The following AGAP1 variants were observed in gnomAD, a reference collection of about 807,000 sequenced individuals.
The protein encoded by AGAP1 is arf-GAP with GTPase, ANK repeat and PH domain-containing protein 1.
AGAP1 carries 29 observed loss-of-function variants against 105.3 expected under a neutral mutation model. The ratio of observed to expected loss-of-function variants is 0.28; its 90% confidence interval spans 0.21 to 0.38. The LOEUF (loss-of-function observed/expected upper bound fraction) is 0.38. Ranked by LOEUF, AGAP1 falls within the 10% of genes least tolerant of loss-of-function variation. The pLI is 1.00. For missense variants in AGAP1, 998 were observed against 1,165.1 expected (o/e 0.86, Z 2.09); for synonymous variants, 509 against 485.9 (o/e 1.05, Z -0.63).
chr2:235,942,412 T>C (rs1274467093), intron 12 of AGAP1, among the ~76,000 whole-genome samples: 1 of 152,148 alleles, frequency 6.6e-6, no homozygotes, highest in Non-Finnish European at 1.5e-5. Flanking sequence ...GCGTGGTGGC[T>C]CACACCTGTA....
intron 15 of AGAP1, among the ~76,000 whole-genome samples, chr2:236,048,803 G>A (rs755265567): frequency 9.2e-5 from 14 of 152,170 alleles, no homozygotes; most frequent in South Asian, 2.1e-4. Context: ...CCAAACCAAC[G>A]CTGTCAATTA....
At chr2:235,536,811 G>T (rs1345136606) in intron 1 of AGAP1, among the ~76,000 whole-genome samples, 1 of 152,236 alleles carries the variant, frequency 6.6e-6, no homozygotes, top group Non-Finnish European at 1.5e-5. Context: ...TCACGCGTCA[G>T]TGTTTTTAAT....
In AGAP1 at chr2:236,046,101, C is replaced by T. The variant is rs533206770; in HGVS notation, c.1892-2958C>T. 20 of 453,704 alleles carry T rather than the reference C, an allele frequency of 4.4e-5. No homozygotes were observed. Among genetic ancestry groups the T allele is most frequent in the East Asian group, 2.1e-4 (3 of 13,978 alleles). 28.1% of individuals were successfully genotyped at this position (453,704 alleles called of 1,614,324 possible). ...TGGCTTCTGTATCTGCAACCCACAG[C>T]GGCATGGAGGGCGGTGGGGTGGGCA... On this transcript the variant is annotated intron_variant, in intron 15 of 17. Coordinates refer to ENST00000304032, the MANE Select transcript of AGAP1 (RefSeq NM_001037131.3). This position sits in a 1 kb window ranked among gnomAD's most constrained non-coding sequence, Gnocchi z 5.2.
At chr2:235,515,343 A>G (rs1942335299) in intron 1 of AGAP1, among the ~76,000 whole-genome samples, 1 of 152,112 alleles carries the variant, frequency 6.6e-6, no homozygotes, top group African/African-American at 2.4e-5. Flanking sequence ...AGAGTGGTTT[A>G]TTGGCCCAGA....
Position 235,793,706 on chromosome 2 carries a change from AG to A in AGAP1, c.674-4051del, listed in dbSNP as rs1957108845. Reference sequence around the variant, plus strand: ...CTGTCCTCTGGTTATAGAGGGCGTGAGGTTGGCCCGGAGGCTCCTAGTGTGA... The same window carrying A: ...CTGTCCTCTGGTTATAGAGGGCGTGAGTTGGCCCGGAGGCTCCTAGTGTGA... On this transcript the variant is annotated intron_variant, in intron 6 of 17. Transcript: ENST00000304032. This position sits in a 1 kb window ranked among gnomAD's most constrained non-coding sequence, Gnocchi z 5.3. Among the ~76,000 whole-genome samples, 1 of 152,088 alleles carries A rather than the reference AG, an allele frequency of 6.6e-6. No homozygotes were observed. Among genetic ancestry groups the A allele is most frequent in the Non-Finnish European group, 1.5e-5 (1 of 68,014 alleles).
At position 235,611,239 on chromosome 2, in the gene AGAP1, AG is replaced by A. The variant is rs1399625292; in HGVS notation, c.164-97938del. On this transcript the variant is annotated intron_variant, in intron 1 of 17. Transcript: ENST00000304032. This position sits in a 1 kb window ranked among gnomAD's most constrained non-coding sequence, Gnocchi z 5.0. ...AGAGCACCTTCCCAGGCAGCTGCAAAGGTGGTCTTGGTTTGACTCCCTTGTG... is the reference window on the plus strand; with the variant it reads ...AGAGCACCTTCCCAGGCAGCTGCAAAGTGGTCTTGGTTTGACTCCCTTGTG... Among the ~76,000 whole-genome samples the A allele has an allele frequency of 1.3e-5, 2 of 152,188 alleles. No homozygotes were observed. The highest frequency in any genetic ancestry group is 2.1e-4 in the South Asian group (1 of 4,820).
At chr2:235,647,621 C>G (rs1254581954) in intron 1 of AGAP1, among the ~76,000 whole-genome samples, 1 of 152,132 alleles carries the variant, frequency 6.6e-6, no homozygotes, top group African/African-American at 2.4e-5. Context: ...CTCCTGAACT[C>G]AAATGATCCT....
intron 7 of AGAP1, among the ~76,000 whole-genome samples, chr2:235,798,967 GGTGTC>G (rs1957369163): frequency 6.6e-6 from 1 of 151,972 alleles, no homozygotes; most frequent in Non-Finnish European, 1.5e-5. Flanking sequence ...AGATTTTCCA[GGTGTC>G]ATTTTCATAA....
intron 16 of AGAP1, among the ~76,000 whole-genome samples, chr2:236,097,362 A>G (rs1418988457): frequency 1.3e-5 from 2 of 148,312 alleles, no homozygotes; most frequent in Admixed American, 1.3e-4. Context: ...TACATAATAT[A>G]AAATTTGTCA....
chr2:235,961,006 G>A lies in AGAP1; in HGVS notation c.1484-7456G>A, dbSNP rs1255454155. ...CCGCGCAAGTGTCTGTCACACAGAG[G>A]TTAGTTCTTTCATAAAACTTTATTA... On this transcript the variant is annotated intron_variant, in intron 12 of 17. Transcript: ENST00000304032. This position sits in a 1 kb window ranked among gnomAD's most constrained non-coding sequence, Gnocchi z 5.9. Among the ~76,000 whole-genome samples the A allele has an allele frequency of 2.0e-5, 3 of 152,196 alleles. No homozygotes were observed. Among genetic ancestry groups the A allele is most frequent in the Admixed American group, 6.5e-5 (1 of 15,276 alleles).
chr2:235,580,146 C>T (rs890778884), intron 1 of AGAP1, among the ~76,000 whole-genome samples: 4 of 152,166 alleles, frequency 2.6e-5, no homozygotes, highest in African/African-American at 9.7e-5. Context: ...TTTATTCATT[C>T]ATCTGTTGAT....
chr2:235,684,584 A>G (rs1166427806), intron 1 of AGAP1, among the ~76,000 whole-genome samples: 1 of 152,176 alleles, frequency 6.6e-6, no homozygotes, highest in African/African-American at 2.4e-5. Context: ...TCAGGTGCAG[A>G]GCAGTGTCTT....
intron 6 of AGAP1, among the ~76,000 whole-genome samples, chr2:235,761,206 A>G (rs1954410169): frequency 6.6e-6 from 1 of 152,204 alleles, no homozygotes; most frequent in Admixed American, 6.5e-5. Context: ...GTTGCAGAAT[A>G]TTGTGTTAAT....
chr2:235,766,616 A>G (rs947380819), intron 6 of AGAP1, among the ~76,000 whole-genome samples: 1 of 152,244 alleles, frequency 6.6e-6, no homozygotes, highest in Non-Finnish European at 1.5e-5. Flanking sequence ...GAACACAATT[A>G]AAAAGATGAA....
intron 11 of AGAP1, among the ~76,000 whole-genome samples, chr2:235,923,191 G>A (rs1040066602): frequency 2.6e-5 from 4 of 152,124 alleles, no homozygotes; most frequent in African/African-American, 4.8e-5. Flanking sequence ...GGACGATGCC[G>A]AAAAGGTCCT....
At chr2:235,748,896 A>G (rs1354720163) in intron 5 of AGAP1, among the ~76,000 whole-genome samples, 1 of 152,194 alleles carries the variant, frequency 6.6e-6, no homozygotes, top group Non-Finnish European at 1.5e-5. Flanking sequence ...AGCCCTATGA[A>G]AAAGATTCAG....
intron 1 of AGAP1, among the ~76,000 whole-genome samples, chr2:235,498,124 G>A (rs1237228767): frequency 6.6e-6 from 1 of 152,092 alleles, no homozygotes; most frequent in Non-Finnish European, 1.5e-5. Context: ...CTTAACGATG[G>A]ACTAAACATA....
chr2:235,704,027 C>T (rs1252077767), intron 1 of AGAP1, among the ~76,000 whole-genome samples: 2 of 152,172 alleles, frequency 1.3e-5, no homozygotes, highest in East Asian at 3.9e-4. Context: ...GAAAGTTAAC[C>T]GAGGTCACTG....
intron 1 of AGAP1, among the ~76,000 whole-genome samples, chr2:235,579,386 T>A (rs1944850330): frequency 6.6e-6 from 1 of 152,232 alleles, no homozygotes; most frequent in Non-Finnish European, 1.5e-5. Flanking sequence ...TCAATACAGC[T>A]GTGGGTTGCA....
Sources: gnomAD v4.1 joint callset for allele counts (sites outside exome capture counted in the v4.1 genomes callset) on GRCh38, gnomAD v4.1.1 for gene constraint, Gnocchi (gnomAD v3.1) non-coding constraint, MANE v1.5 for transcripts, NCBI Gene and HGNC (gene_info 2026-07-23, HGNC 2026-07-21) for gene names.